Variants in TSHR observed in about 807,000 individuals in gnomAD.
TSHR encodes the protein thyrotropin receptor.
TSHR carries 51 observed loss-of-function variants against 64.1 expected under a neutral mutation model. That is an observed-to-expected ratio of 0.80 (90% CI 0.64 to 1.01). The LOEUF (loss-of-function observed/expected upper bound fraction) is 1.01. Ranked by LOEUF, TSHR falls within the 50% of genes least tolerant of loss-of-function variation. The pLI is 0.00. For synonymous variants in TSHR, 361 were observed against 361.9 expected (o/e 1.00, Z 0.03); for missense variants, 877 against 942.8 (o/e 0.93, Z 0.91).
At chr14:81,071,007 C>T (rs1324138302) in intron 3 of TSHR, among the ~76,000 whole-genome samples, 4 of 152,116 alleles carry the variant, frequency 2.6e-5, no homozygotes, top group African/African-American at 4.8e-5. Flanking sequence ...CTTGACTGCA[C>T]AAAATGAAAT....
chr14:81,041,634 A>G (rs1437885258), intron 1 of TSHR, among the ~76,000 whole-genome samples: 1 of 152,190 alleles, frequency 6.6e-6, no homozygotes. Flanking sequence ...AAGTTTACCT[A>G]TGGAACAAAC....
rs142122217 is a variant in TSHR at position 81,142,973 on chromosome 14, T to C, written c.915T>C (p.Ser305=). ...AGTCCTTGATGTGTAATGAGAGCAG[T>C]ATGCAGAGCTTGCGCCAGAGAAAAT... ...ILESLMCNES[S]MQSLRQRKSV... The change falls in exon 10 of 10, where the codon AGT becomes AGC. Residue 305 remains serine (S), a synonymous_variant. Transcript: ENST00000298171. 3 of 1,614,162 alleles carry C rather than the reference T, an allele frequency of 1.9e-6. No individual in the cohort carries two copies. Among genetic ancestry groups the C allele is most frequent in the South Asian group, 1.1e-5 (1 of 91,088 alleles).
At chr14:81,126,412 C>T (rs1891023311) in intron 8 of TSHR, among the ~76,000 whole-genome samples, 1 of 152,202 alleles carries the variant, frequency 6.6e-6, no homozygotes, top group African/African-American at 2.4e-5. Flanking sequence ...AATGGTCATG[C>T]ATTTTATATT....
intron 1 of TSHR, chr14:81,013,262 C>T (rs1459496484): frequency 2.6e-5 from 4 of 152,048 alleles, no homozygotes; most frequent in South Asian, 4.2e-4. Context: ...AGATATGCGG[C>T]GTTATTTCTG....
At chr14:81,139,641 C>T (rs1042121454) in intron 8 of TSHR, 38 bp from the exon 9 acceptor site, 2 of 1,611,220 alleles carry the variant, frequency 1.2e-6, no homozygotes, top group Admixed American at 3.3e-5. Context: ...CCTGGCTGCT[C>T]ACTGCCTCTC....
intron 5 of TSHR, among the ~76,000 whole-genome samples, chr14:81,091,988 G>C (rs1167125426): frequency 1.3e-5 from 2 of 152,092 alleles, no homozygotes; most frequent in African/African-American, 4.8e-5. Flanking sequence ...TTGGGGTTTT[G>C]CTAGAAAAAA....
At chr14:80,994,917 T>C (rs752679333) in intron 1 of TSHR, 6 of 152,074 alleles carry the variant, frequency 3.9e-5, no homozygotes, top group African/African-American at 7.2e-5. Flanking sequence ...ATTTACTTTG[T>C]TGAGAGTATA....
At chr14:81,022,069 T>G (rs1883785543) in intron 1 of TSHR, among the ~76,000 whole-genome samples, 1 of 139,720 alleles carries the variant, frequency 7.2e-6, no homozygotes. Flanking sequence ...AAAACCATCC[T>G]GGCTAACATG....
At chr14:81,030,431 G>T (rs1884292797) in intron 1 of TSHR, among the ~76,000 whole-genome samples, 1 of 152,038 alleles carries the variant, frequency 6.6e-6, no homozygotes, top group Non-Finnish European at 1.5e-5. Flanking sequence ...AAAATCTGAA[G>T]TTTGGCCTTG....
At chr14:81,004,903 C>T (rs1011076969) in intron 1 of TSHR, among the ~76,000 whole-genome samples, 1 of 152,180 alleles carries the variant, frequency 6.6e-6, no homozygotes, top group African/African-American at 2.4e-5. Context: ...TCCTTGGATA[C>T]TCATGGTTTT....
At chr14:81,068,465 T>A in intron 3 of TSHR, 137 bp downstream of exon 3, 2 of 752,640 alleles carry the variant, frequency 2.7e-6, no homozygotes, top group Non-Finnish European at 4.6e-6. Flanking sequence ...ATTATTAACC[T>A]GTTCTCATTC....
intron 3 of TSHR, among the ~76,000 whole-genome samples, chr14:81,075,624 T>C (rs1040859679): frequency 7.3e-5 from 11 of 149,750 alleles, no homozygotes; most frequent in Admixed American, 1.3e-4. Flanking sequence ...TAGGTATATC[T>C]CCCAATGCTA....
chr14:81,122,067 G>T (rs1322163290), intron 8 of TSHR, among the ~76,000 whole-genome samples: 1 of 47,036 alleles, frequency 2.1e-5, no homozygotes, highest in Non-Finnish European at 4.0e-5. Context: ...TTTTTGAGAC[G>T]AAGTCTTGCT....
At chr14:81,016,669 G>A (rs1594955155) in intron 1 of TSHR, among the ~76,000 whole-genome samples, 1 of 152,046 alleles carries the variant, frequency 6.6e-6, no homozygotes, top group South Asian at 2.1e-4. Context: ...TGCTTTGGGG[G>A]TCATATCTAA....
chr14:81,096,791 G>T (rs943592819), intron 7 of TSHR, 84 bp downstream of exon 7: 9 of 1,441,546 alleles, frequency 6.2e-6, no homozygotes, highest in Non-Finnish European at 8.7e-6. Flanking sequence ...TGAGAGATAG[G>T]TTCTACCAGA....
At chr14:81,139,590 A>G in intron 8 of TSHR, 89 bp from the exon 9 acceptor site, 1 of 1,357,032 alleles carries the variant, frequency 7.4e-7, no homozygotes, top group South Asian at 1.2e-5. Context: ...CTCCCAATTA[A>G]CCTCAGGCCT....
At chr14:80,973,418 A>AAAAAAAAAAAAAAAAAAAAAAAAAAAC (rs1887697369) in intron 1 of TSHR, among the ~76,000 whole-genome samples, 1 of 148,854 alleles carries the variant, frequency 6.7e-6, no homozygotes, top group African/African-American at 2.4e-5. Context: ...AAAAAAAAAA[A>AAAAAAAAAAAAAAAAAAAAAAAAAAAC]AAAAAAAAAA....
At chr14:81,055,639 A>G (rs1885737933) in intron 1 of TSHR, among the ~76,000 whole-genome samples, 1 of 152,214 alleles carries the variant, frequency 6.6e-6, no homozygotes, top group Admixed American at 6.5e-5. Context: ...ATGGAGTCAA[A>G]GGAGATCGTT....
At chr14:81,105,743 G>A (rs764149129) in intron 7 of TSHR, among the ~76,000 whole-genome samples, 2 of 152,178 alleles carry the variant, frequency 1.3e-5, no homozygotes, top group African/African-American at 2.4e-5. Context: ...GAAAGAACAA[G>A]CTGAATTTCA....
Sources: gnomAD v4.1 joint callset for allele counts (sites outside exome capture counted in the v4.1 genomes callset) on GRCh38, gnomAD v4.1.1 for gene constraint, MANE v1.5 for transcripts, NCBI Gene and HGNC (gene_info 2026-07-23, HGNC 2026-07-21) for gene names.